TRAPPC10: variants seen among roughly 807,000 people sequenced by gnomAD.
TRAPPC10 encodes trafficking protein particle complex subunit 10.
Under a neutral mutation model 125.5 loss-of-function variants are expected in TRAPPC10, and 23 were observed. The ratio of observed to expected loss-of-function variants is 0.18; its 90% CI spans 0.13 to 0.26. TRAPPC10 has a LOEUF of 0.26. Ranked by LOEUF, TRAPPC10 falls within the 10% of genes least tolerant of loss-of-function variation. The pLI, the probability that TRAPPC10 is intolerant of heterozygous loss-of-function variation, is 1.00. For missense variants in TRAPPC10, 1,123 were observed against 1,308.4 expected (o/e 0.86, Z 2.19); for synonymous variants, 509 against 518.0 (o/e 0.98, Z 0.24).
At chr21:44,095,055 ATTAT>A (rs1268286066) in intron 20 of TRAPPC10, among the ~76,000 whole-genome samples, 1 of 149,138 alleles carries the variant, frequency 6.7e-6, no homozygotes, top group Non-Finnish European at 1.5e-5. Flanking sequence ...ATATAAACAA[ATTAT>A]TTATTTATGA....
At chr21:44,062,977 G>C in intron 6 of TRAPPC10, 1 of 1,302,988 alleles carries the variant, frequency 7.7e-7, no homozygotes, top group Non-Finnish European at 1.0e-6. Context: ...TGGGAGCCTT[G>C]CTGAAATTTT....
chr21:44,090,984 AG>A (rs796578830), intron 18 of TRAPPC10, among the ~76,000 whole-genome samples: 40 of 152,028 alleles, frequency 2.6e-4, no homozygotes, highest in African/African-American at 8.9e-4. Flanking sequence ...CGAGGTCGGG[AG>A]TTCAAGACCA....
chr21:44,022,173 A>G (rs2032582152), intron 1 of TRAPPC10, among the ~76,000 whole-genome samples: 3 of 151,498 alleles, frequency 2.0e-5, no homozygotes, highest in African/African-American at 4.9e-5. Flanking sequence ...CAGTGGCACA[A>G]TCTCAGCTCA....
Position 44,077,706 on chromosome 21 carries a change from C to T in TRAPPC10, c.1391C>T (p.Ala464Val). Residue 464 changes from alanine (A) to valine (V), a missense_variant, in exon 11 of 23, where the codon GCC becomes GTC. Physicochemically the swap from Ala to Val is moderately conservative, Grantham distance 64. Around this residue, in one of 4 missense-constraint regions of TRAPPC10, gnomAD observed 840 missense variants for 902.0 expected, o/e 0.93. Transcript: ENST00000291574. ...FEKHYLDLSH[A>V]TIEMYTSIGR... ...ACTTCCCCACAGGATTTGTCCCATG[C>T]CACCATTGAAATGTATACAAGCATT... The T allele has an allele frequency of 1.9e-6, 3 of 1,602,910 alleles. No individual in the cohort carries two copies. The highest frequency in any genetic ancestry group is 1.1e-5 in the South Asian group (1 of 89,104).
At chr21:44,034,775 C>T (rs989178447) in intron 2 of TRAPPC10, among the ~76,000 whole-genome samples, 1 of 152,102 alleles carries the variant, frequency 6.6e-6, no homozygotes, top group African/African-American at 2.4e-5. Context: ...TTGTAAGAGG[C>T]AGAAGAGAAG....
intron 3 of TRAPPC10, among the ~76,000 whole-genome samples, chr21:44,047,339 C>T (rs919241385): frequency 6.6e-6 from 1 of 152,188 alleles, no homozygotes; most frequent in African/African-American, 2.4e-5. Flanking sequence ...TGCCACCGTA[C>T]CCGGCTAATT....
chr21:44,045,017 C>T (rs9982663), intron 3 of TRAPPC10, among the ~76,000 whole-genome samples: 51,032 of 151,786 alleles, frequency 0.34, 12,796 homozygotes, highest in African/African-American at 0.71. Flanking sequence ...TTTAAAATCC[C>T]TCCGCCTCCC....
At chr21:44,040,558 G>A (rs1318759926) in intron 3 of TRAPPC10, among the ~76,000 whole-genome samples, 2 of 151,970 alleles carry the variant, frequency 1.3e-5, no homozygotes, top group African/African-American at 4.8e-5. Context: ...GGCTGGTCTT[G>A]AATTCCTAGG....
intron 4 of TRAPPC10, among the ~76,000 whole-genome samples, chr21:44,052,780 G>C (rs201728052): frequency 6.6e-6 from 1 of 152,100 alleles, no homozygotes; most frequent in Admixed American, 6.6e-5. Context: ...TCTGTAGAAC[G>C]GGTCCTTAAA....
chr21:44,063,491 G>A lies in TRAPPC10; in HGVS notation c.791-47G>A. 3.1e-6 allele frequency: 5 copies of A among 1,597,332 alleles called. No individual in the cohort carries two copies. Among genetic ancestry groups the A allele is most frequent in the East Asian group, 2.2e-5 (1 of 44,722 alleles). On this transcript the variant is annotated intron_variant, in intron 6 of 22. Transcript: ENST00000291574. The surrounding 1 kb of genome is among the most constrained non-coding windows in gnomAD (Gnocchi z 4.4). ...TCAGCCTGAGCAGGAAGCTCAGGAA[G>A]GTGAAGTACCTGCAATCAGCACCTT...
chr21:44,082,911 T>G lies in TRAPPC10; in HGVS notation c.1847T>G (p.Met616Arg), dbSNP rs778794811. The G allele has an allele frequency of 3.7e-6, 6 of 1,614,182 alleles. No individual in the cohort carries two copies. The highest frequency in any genetic ancestry group is 5.1e-6 in the Non-Finnish European group (6 of 1,180,016). The part of the protein sequence containing the change: ...LCVEITMYSQ[M>R]PVPVHVEQIV... The stretch of plus-strand genomic sequence containing the variant: ...GTTGAGATAACCATGTACAGCCAGA[T>G]GCCTGTGCCTGTTCACGTGGAGCAG... Residue 616 changes from methionine (M) to arginine (R), a missense_variant, in exon 14 of 23, where the codon ATG becomes AGG. Met to Arg is a moderately conservative substitution (Grantham distance 91, BLOSUM62 -1). Transcript: ENST00000291574. This position sits in a 1 kb window ranked among gnomAD's most constrained non-coding sequence, Gnocchi z 4.4.
At chr21:44,058,471 A>G (rs1005480012) in intron 5 of TRAPPC10, among the ~76,000 whole-genome samples, 5 of 152,176 alleles carry the variant, frequency 3.3e-5, no homozygotes, top group South Asian at 2.1e-4. Context: ...AGTCTCTTGA[A>G]TGTGATGAGC....
At chr21:44,070,252 C>G (rs914621321) in intron 7 of TRAPPC10, among the ~76,000 whole-genome samples, 3 of 152,144 alleles carry the variant, frequency 2.0e-5, no homozygotes, top group African/African-American at 4.8e-5. Flanking sequence ...TTGGAAGTGG[C>G]AAGATGGCAC....
At chr21:44,033,970 TAA>T (rs1189848553) in intron 2 of TRAPPC10, among the ~76,000 whole-genome samples, 1 of 151,796 alleles carries the variant, frequency 6.6e-6, no homozygotes, top group East Asian at 1.9e-4. Context: ...ATAAATGGAC[TAA>T]AAAAAATGGA....
At chr21:44,071,819 C>T (rs1433345281) in intron 7 of TRAPPC10, among the ~76,000 whole-genome samples, 10 of 152,156 alleles carry the variant, frequency 6.6e-5, no homozygotes, top group Admixed American at 5.2e-4. Context: ...AGAGCAGGCC[C>T]GGGGGAGGCT....
At chr21:44,066,078 A>C (rs747998575) in intron 7 of TRAPPC10, among the ~76,000 whole-genome samples, 13 of 152,170 alleles carry the variant, frequency 8.5e-5, no homozygotes, top group Non-Finnish European at 1.8e-4. Flanking sequence ...TTAGGGCTAC[A>C]GTTGAGCAGA....
At chr21:44,088,005 G>A (rs969396994) in intron 17 of TRAPPC10, 77 bp downstream of exon 17, 17 of 1,279,480 alleles carry the variant, frequency 1.3e-5, no homozygotes, top group African/African-American at 8.9e-5. Flanking sequence ...GCGATGTAGC[G>A]ATGCCTGCTG....
At position 44,052,474 on chromosome 21, in the gene TRAPPC10, C is replaced by A. The variant is rs779207334; in HGVS notation, c.480C>A (p.Asp160Glu). 1.3e-6 allele frequency: 2 copies of A among 1,598,750 alleles called. No homozygotes were observed. Among genetic ancestry groups the A allele is most frequent in the African/African-American group, 2.7e-5 (2 of 74,090 alleles). The change falls in exon 4 of 23, where the codon GAC becomes GAA. Residue 160 changes from aspartate (D) to glutamate (E), a missense_variant and splice_region_variant. Transcript: ENST00000291574. ...IRNDFCNKQS[D>E]RCVVLSDPLK... ...ATGATTTTTGTAATAAACAGAGTGACAGGTAAGTGTATCTTTAATTTTACC... is the reference window on the plus strand; with the variant it reads ...ATGATTTTTGTAATAAACAGAGTGAAAGGTAAGTGTATCTTTAATTTTACC...
chr21:44,082,691 G>T lies in TRAPPC10; in HGVS notation c.1724-97G>T. 1 of 1,400,790 alleles carries T rather than the reference G, an allele frequency of 7.1e-7. No homozygotes were observed. The highest frequency in any genetic ancestry group is 9.9e-7 in the Non-Finnish European group (1 of 1,014,256). 86.8% of individuals were successfully genotyped at this position (1,400,790 alleles called of 1,614,324 possible). A position where few individuals can be genotyped will look rare whatever the true frequency, so the allele number is the denominator to read the frequency against. ...GTGCCCATCACTGCTGCTTGCTTCAGTCTGCTCTCGGTGATCTTACTGTGT... is the reference window on the plus strand; with the variant it reads ...GTGCCCATCACTGCTGCTTGCTTCATTCTGCTCTCGGTGATCTTACTGTGT... On this transcript the variant is annotated intron_variant, in intron 13 of 22. Coordinates refer to ENST00000291574, the MANE Select transcript of TRAPPC10 (RefSeq NM_003274.5). The surrounding 1 kb of genome is among the most constrained non-coding windows in gnomAD (Gnocchi z 4.4).
Sources: gnomAD v4.1 joint callset for allele counts (sites outside exome capture counted in the v4.1 genomes callset) on GRCh38, gnomAD v4.1.1 for gene constraint, gnomAD v4.1.1 regional missense constraint, Gnocchi (gnomAD v3.1) non-coding constraint, MANE v1.5 for transcripts, NCBI Gene and HGNC (gene_info 2026-07-23, HGNC 2026-07-21) for gene names.